MSR1: variants seen among roughly 807,000 people sequenced by gnomAD.
MSR1 encodes the protein macrophage scavenger receptor 1.
MSR1 carries 53 observed loss-of-function variants against 47.2 expected under a neutral mutation model. That is an observed-to-expected ratio of 1.12 (90% confidence interval 0.90 to 1.41). The LOEUF (loss-of-function observed/expected upper bound fraction) is 1.41, where lower values mean the gene tolerates loss of function less well. MSR1 is among the 40% of genes most tolerant of loss of function. The pLI, the probability that MSR1 is intolerant of heterozygous loss-of-function variation, is 0.00. For synonymous variants in MSR1, 239 were observed against 185.6 expected (o/e 1.29, Z -2.34); for missense variants, 786 against 546.9 (o/e 1.44, Z -4.36).
chr8:16,175,288 C>T lies in MSR1; in HGVS notation c.116G>A (p.Ser39Asn), dbSNP rs755140847. Residue 39 changes from serine to asparagine, a missense_variant, in exon 3 of 10, where the codon AGC becomes AAC. Physicochemically the swap from Ser to Asn is conservative, Grantham distance 46. Coordinates refer to ENST00000262101, the MANE Select transcript of MSR1 (RefSeq NM_138715.3). ...TALLPPNPKN[S>N]PSLQEKLKSF... The stretch of plus-strand genomic sequence containing the variant: ...CTTCAGTTTCTCTTGAAGGGAAGGG[C>T]TGTTTTTAGGATCTAATAAAACAAA... 1.9e-6 allele frequency: 3 copies of T among 1,613,890 alleles called. No homozygotes were observed. The South Asian group carries it at 3.3e-5, about 18-fold the overall frequency.
rs1441624560 is a variant in MSR1 at position 16,150,136 on chromosome 8, GTGTGTATATATATATA to G, written c.979+79_979+94del. 317 of 190,324 alleles carry G rather than the reference GTGTGTATATATATATA, an allele frequency of 1.7e-3. 7 individuals carry two copies. Among genetic ancestry groups the G allele is most frequent in the African/African-American group, 0.012 (248 of 21,242 alleles). The allele number at this position is 190,324 out of a possible 1,614,324, so 11.8% of individuals were successfully genotyped here. On this transcript the variant is annotated intron_variant, in intron 7 of 9. Coordinates refer to ENST00000262101, the MANE Select transcript of MSR1 (RefSeq NM_138715.3). ...ACATTATGTGTGTGTGTATGTGTGT[GTGTGTATATATATATA>G]TATATATATATATATATATAAAATT...
At chr8:16,186,187 T>C (rs761780095) in intron 1 of MSR1, 1 of 1,535,444 alleles carries the variant, frequency 6.5e-7, no homozygotes, top group South Asian at 1.2e-5. Flanking sequence ...GAGATACTGA[T>C]GATTGCACTG....
At chr8:16,187,993 G>A (rs569571794) in intron 1 of MSR1, among the ~76,000 whole-genome samples, 1 of 152,256 alleles carries the variant, frequency 6.6e-6, no homozygotes, top group South Asian at 2.1e-4. Flanking sequence ...AACTCACACT[G>A]TTCAAGTGTG....
At chr8:16,128,851 C>T (rs750355982) in intron 8 of MSR1, among the ~76,000 whole-genome samples, 3 of 152,086 alleles carry the variant, frequency 2.0e-5, no homozygotes, top group East Asian at 1.9e-4. Context: ...TAAGTACTTA[C>T]GAAGGACCTA....
At chr8:16,123,513 T>G (rs1464358896) in intron 8 of MSR1, among the ~76,000 whole-genome samples, 1 of 109,098 alleles carries the variant, frequency 9.2e-6, no homozygotes, top group East Asian at 3.5e-4. Context: ...ATATATTTAG[T>G]CAGATAGGGC....
Position 16,108,911 on chromosome 8 carries a change from C to CT in MSR1, c.*1173dup, listed in dbSNP as rs1052068861. On this transcript the variant is annotated 3_prime_UTR_variant, in exon 10 of 10. Transcript: ENST00000262101. ...CCATAATAGTACTAGTTTACAATTACTTTTTTTGTGAATTAGTCATAGGAA... is the reference window on the plus strand; with the variant it reads ...CCATAATAGTACTAGTTTACAATTACTTTTTTTTGTGAATTAGTCATAGGAA... 4 of 150,782 alleles carry CT rather than the reference C, an allele frequency of 2.7e-5. No individual in the cohort carries two copies. The highest frequency in any genetic ancestry group is 9.9e-5 in the African/African-American group (4 of 40,218). 9.3% of individuals were successfully genotyped at this position (150,782 alleles called of 1,614,324 possible). A position where few individuals can be genotyped will look rare whatever the true frequency, so the allele number is the denominator to read the frequency against.
intron 9 of MSR1, among the ~76,000 whole-genome samples, chr8:16,118,077 C>G (rs1464919544): frequency 1.3e-5 from 2 of 152,104 alleles, no homozygotes; most frequent in African/African-American, 2.4e-5. Flanking sequence ...ATAATATAAG[C>G]ATCAAAATAA....
In MSR1 at chr8:16,108,042, T is replaced by C. The variant is rs923745384; in HGVS notation, c.*2043A>G. The C allele has an allele frequency of 1.3e-5, 2 of 151,756 alleles. No individual in the cohort carries two copies. The highest frequency in any genetic ancestry group is 4.8e-5 in the African/African-American group (2 of 41,366). 9.4% of individuals were successfully genotyped at this position (151,756 alleles called of 1,614,324 possible). On this transcript the variant is annotated 3_prime_UTR_variant, in exon 10 of 10. Transcript: ENST00000262101. ...ATTTTTAGATTACTTATTAAAGATA[T>C]ATCTATGCATAAGTGGTAAATCAGC...
intron 4 of MSR1, among the ~76,000 whole-genome samples, chr8:16,167,339 T>C (rs1801342228): frequency 6.6e-6 from 1 of 151,932 alleles, no homozygotes; most frequent in African/African-American, 2.4e-5. Context: ...AGGCCAGGAG[T>C]TCGAGATCAG....
chr8:16,127,891 T>G (rs892423366), intron 8 of MSR1, among the ~76,000 whole-genome samples: 1 of 152,186 alleles, frequency 6.6e-6, no homozygotes, highest in Non-Finnish European at 1.5e-5. Context: ...CAAAGAATAT[T>G]AGAAGTGATT....
intron 5 of MSR1, among the ~76,000 whole-genome samples, chr8:16,157,919 A>C (rs1801055446): frequency 6.6e-6 from 1 of 151,946 alleles, no homozygotes; most frequent in Non-Finnish European, 1.5e-5. Context: ...TATCAAATTA[A>C]GGAAATGCAG....
At chr8:16,141,085 A>G (rs767964724) in intron 8 of MSR1, 6 of 1,607,320 alleles carry the variant, frequency 3.7e-6, no homozygotes, top group East Asian at 4.5e-5. Context: ...TATTTTTAAC[A>G]TATTTTCAGA....
chr8:16,189,716 T>TTTATATTTTATATATATGAAATCTTAC (rs1802136832), intron 1 of MSR1, among the ~76,000 whole-genome samples: 11 of 60,892 alleles, frequency 1.8e-4, no homozygotes, highest in Admixed American at 2.9e-4. Flanking sequence ...TAAAATCTTA[T>TTTATATTTTATATATATGAAATCTTAC]TTTATATATA....
At chr8:16,186,234 G>T (rs1455852945) in intron 1 of MSR1, 5 of 1,529,900 alleles carry the variant, frequency 3.3e-6, no homozygotes, top group East Asian at 4.9e-5. Flanking sequence ...TTATTTCTGG[G>T]TATTCCTCCT....
intron 8 of MSR1, 109 bp from the exon 9 acceptor site, chr8:16,120,715 A>C: frequency 7.6e-7 from 1 of 1,314,002 alleles, no homozygotes; most frequent in East Asian, 2.5e-5. Context: ...TGTTTAGCAC[A>C]TTTTCCAAAT....
intron 7 of MSR1, among the ~76,000 whole-genome samples, chr8:16,146,859 G>C (rs747351707): frequency 1.4e-4 from 21 of 151,934 alleles, no homozygotes; most frequent in Non-Finnish European, 1.9e-4. Context: ...TTAATCTCTG[G>C]CCTCTACTCG....
At chr8:16,158,376 G>C (rs1801067568) in intron 5 of MSR1, among the ~76,000 whole-genome samples, 1 of 151,856 alleles carries the variant, frequency 6.6e-6, no homozygotes, top group South Asian at 2.1e-4. Context: ...TATAATATTT[G>C]ATAATCATCA....
chr8:16,139,501 T>A, intron 8 of MSR1: 1 of 984,624 alleles, frequency 1.0e-6, no homozygotes, highest in Non-Finnish European at 1.2e-6. Context: ...ATAGTATGAA[T>A]CTTGGGTCTG....
At chr8:16,173,277 C>G (rs1161892996) in intron 3 of MSR1, among the ~76,000 whole-genome samples, 1 of 152,208 alleles carries the variant, frequency 6.6e-6, no homozygotes, top group Non-Finnish European at 1.5e-5. Flanking sequence ...TATTTTCCGA[C>G]TCCTGTCTGC....
Sources: gnomAD v4.1 joint callset for allele counts (sites outside exome capture counted in the v4.1 genomes callset) on GRCh38, gnomAD v4.1.1 for gene constraint, MANE v1.5 for transcripts, NCBI Gene and HGNC (gene_info 2026-07-23, HGNC 2026-07-21) for gene names.